Variants in TEX264 observed in about 807,000 individuals in gnomAD.
TEX264 encodes the protein testis expressed 264, ER-phagy receptor.
TEX264 carries 13 observed loss-of-function variants against 23.4 expected under a neutral mutation model. That is an observed-to-expected ratio of 0.56 (90% confidence interval 0.36 to 0.88). The LOEUF is 0.88. TEX264 is among the 40% of genes least tolerant of loss of function. TEX264 has a pLI of 0.01. For synonymous variants in TEX264, 159 were observed against 170.0 expected (o/e 0.94, Z 0.50); for missense variants, 340 against 406.8 (o/e 0.84, Z 1.41).
intron 3 of TEX264, among the ~76,000 whole-genome samples, chr3:51,689,143 AG>A (rs1326205102): frequency 6.6e-6 from 1 of 151,164 alleles, no homozygotes; most frequent in East Asian, 1.9e-4. Flanking sequence ...AGATAAATGA[AG>A]GGGGCATGGT....
intron 1 of TEX264, among the ~76,000 whole-genome samples, chr3:51,673,291 C>G (rs778831759): frequency 6.6e-6 from 1 of 152,162 alleles, no homozygotes; most frequent in Non-Finnish European, 1.5e-5. Flanking sequence ...TGATTTTTCC[C>G]CCCCGCCAGG....
chr3:51,694,496 C>T (rs1702981678), intron 3 of TEX264: 1 of 152,340 alleles, frequency 6.6e-6, no homozygotes, highest in African/African-American at 2.4e-5. Flanking sequence ...CAGGCAGTCT[C>T]CCATCCAAGT....
At chr3:51,698,030 C>G (rs1703136380) in intron 3 of TEX264, among the ~76,000 whole-genome samples, 1 of 152,166 alleles carries the variant, frequency 6.6e-6, no homozygotes, top group East Asian at 1.9e-4. Flanking sequence ...CTGGATCACC[C>G]ATGGAGTCAG....
intron 3 of TEX264, 74 bp from the exon 4 acceptor site, chr3:51,699,332 C>T (rs548969235): frequency 6.6e-7 from 1 of 1,517,664 alleles, no homozygotes; most frequent in Admixed American, 1.7e-5. Flanking sequence ...ATAGACAGTT[C>T]TGGGGGTCAC....
At chr3:51,696,140 G>T (rs1360591578) in intron 3 of TEX264, among the ~76,000 whole-genome samples, 1 of 152,210 alleles carries the variant, frequency 6.6e-6, no homozygotes, top group Non-Finnish European at 1.5e-5. Context: ...GGAGTGAGCT[G>T]CTCTGGGCTG....
chr3:51,691,496 G>C lies in TEX264; in HGVS notation c.480+6862G>C, dbSNP rs1236799234. The stretch of plus-strand genomic sequence containing the variant: ...GGGAGGGGAGGGATAGATTCGCTGG[G>C]AAAGGCAAAACAACCCTTGTGCGGT... On this transcript the variant is annotated intron_variant, in intron 3 of 4. Coordinates refer to ENST00000341333, the MANE Select transcript of TEX264 (RefSeq NM_015926.6). The surrounding 1 kb of genome is among the most constrained non-coding windows in gnomAD (Gnocchi z 4.4). 6.6e-6 allele frequency among the ~76,000 whole-genome samples: 1 copy of C among 152,220 alleles called. No homozygotes were observed. The highest frequency in any genetic ancestry group is 1.5e-5 in the Non-Finnish European group (1 of 68,044).
rs1702819977 is a variant in TEX264 at position 51,691,314 on chromosome 3, C to T, written c.480+6680C>T. ...TCCCTCCCTGGATCTCAAGGGCTGG[C>T]TTACCTGCTGGTACTGCCACCTGCT... On this transcript the variant is annotated intron_variant, in intron 3 of 4. Coordinates refer to ENST00000341333, the MANE Select transcript of TEX264 (RefSeq NM_015926.6). This position sits in a 1 kb window ranked among gnomAD's most constrained non-coding sequence, Gnocchi z 4.4. 6.6e-6 allele frequency among the ~76,000 whole-genome samples: 1 copy of T among 152,202 alleles called. No individual in the cohort carries two copies. The highest frequency in any genetic ancestry group is 6.5e-5 in the Admixed American group (1 of 15,288).
chr3:51,688,690 A>G (rs1297107790), intron 3 of TEX264, among the ~76,000 whole-genome samples: 1 of 152,166 alleles, frequency 6.6e-6, no homozygotes, highest in African/African-American at 2.4e-5. Flanking sequence ...TGGAGGTCAG[A>G]CTAATGTCTG....
intron 2 of TEX264, among the ~76,000 whole-genome samples, chr3:51,679,542 T>G (rs917159245): frequency 2.0e-5 from 3 of 152,178 alleles, no homozygotes; most frequent in African/African-American, 7.2e-5. Flanking sequence ...CTGCTTGAGT[T>G]TGAATCCTGA....
intron 3 of TEX264, chr3:51,694,584 C>T (rs1702985105): frequency 6.6e-6 from 1 of 152,294 alleles, no homozygotes; most frequent in South Asian, 2.1e-4. Context: ...ACTGTAGACC[C>T]TTTATTTCAT....
intron 3 of TEX264, 108 bp from the exon 4 acceptor site, chr3:51,699,298 C>A: frequency 8.2e-7 from 1 of 1,214,348 alleles, no homozygotes; most frequent in Non-Finnish European, 1.2e-6. Flanking sequence ...AGAGGCAGAG[C>A]CAGCCCCTGG....
chr3:51,688,024 A>G (rs1300092562), intron 3 of TEX264, among the ~76,000 whole-genome samples: 2 of 152,170 alleles, frequency 1.3e-5, no homozygotes, highest in African/African-American at 4.8e-5. Context: ...TTCTCCATAT[A>G]AACTGCTAAG....
intron 2 of TEX264, among the ~76,000 whole-genome samples, chr3:51,678,358 G>T (rs558811863): frequency 1.2e-4 from 19 of 152,276 alleles, no homozygotes; most frequent in African/African-American, 4.6e-4. Context: ...GTGCCTGTGG[G>T]CCCATCCTGT....
chr3:51,675,898 A>G (rs894931417), intron 2 of TEX264, among the ~76,000 whole-genome samples: 1 of 152,172 alleles, frequency 6.6e-6, no homozygotes, highest in Non-Finnish European at 1.5e-5. Context: ...CAGGTTGAGA[A>G]GAAGGATGTG....
At chr3:51,688,971 C>G (rs1467355431) in intron 3 of TEX264, among the ~76,000 whole-genome samples, 3 of 151,260 alleles carry the variant, frequency 2.0e-5, no homozygotes, top group African/African-American at 7.3e-5. Flanking sequence ...CTAAAAAAAA[C>G]AGAAAAAAAA....
intron 2 of TEX264, chr3:51,681,217 T>G (rs927529187): frequency 1.3e-5 from 2 of 152,288 alleles, no homozygotes; most frequent in African/African-American, 4.8e-5. Context: ...CTTCTTCCAC[T>G]TTGACAGGAG....
At chr3:51,674,646 G>C (rs1451716818) in intron 2 of TEX264, 84 bp downstream of exon 2, 12 of 1,516,146 alleles carry the variant, frequency 7.9e-6, no homozygotes, top group Non-Finnish European at 9.8e-6. Context: ...TGGTTGCTGA[G>C]GAAAGGGTGG....
At position 51,704,105 on chromosome 3, in the gene TEX264, G is replaced by C. The variant is rs1483242909; in HGVS notation, c.*89G>C. ...CTCCAGCCCTCTTCCTCCTTCCTCT[G>C]GGGGAGGAGGGGTTCCTGAGGGACC... On this transcript the variant is annotated 3_prime_UTR_variant, in exon 5 of 5. Transcript: ENST00000341333. The C allele has an allele frequency of 1.6e-6, 2 of 1,218,496 alleles. No homozygotes were observed. Among genetic ancestry groups the C allele is most frequent in the East Asian group, 2.8e-5 (1 of 35,396 alleles). 75.5% of individuals were successfully genotyped at this position (1,218,496 alleles called of 1,614,324 possible).
chr3:51,703,619 G>T lies in TEX264; in HGVS notation c.650-105G>T, dbSNP rs919993806. ...CAGCTGGAGCAAGCCCCCTGAGCCC[G>T]GGAGGCTGCATTATTCATGAGTGCA... On this transcript the variant is annotated intron_variant, in intron 4 of 4. Coordinates refer to ENST00000341333, the MANE Select transcript of TEX264 (RefSeq NM_015926.6). The surrounding 1 kb of genome is among the most constrained non-coding windows in gnomAD (Gnocchi z 4.8). 8.5e-7 allele frequency: 1 copy of T among 1,172,214 alleles called. No individual in the cohort carries two copies. Among genetic ancestry groups the T allele is most frequent in the Non-Finnish European group, 1.2e-6 (1 of 850,860 alleles). The allele number at this position is 1,172,214 out of a possible 1,614,324, so 72.6% of individuals were successfully genotyped here. A position where few individuals can be genotyped will look rare whatever the true frequency, so the allele number is the denominator to read the frequency against.
Sources: gnomAD v4.1 joint callset for allele counts (sites outside exome capture counted in the v4.1 genomes callset) on GRCh38, gnomAD v4.1.1 for gene constraint, Gnocchi (gnomAD v3.1) non-coding constraint, MANE v1.5 for transcripts, NCBI Gene and HGNC (gene_info 2026-07-23, HGNC 2026-07-21) for gene names.